Variants in TEKT5 observed in about 807,000 individuals in gnomAD.
TEKT5 encodes tektin-5.
A neutral mutation model predicts 48.7 loss-of-function variants in TEKT5; 52 were observed. The observed-to-expected ratio is 1.07, with a 90% CI of 0.86 to 1.35. The LOEUF (loss-of-function observed/expected upper bound fraction) is 1.35, where lower values mean the gene tolerates loss of function less well. Among genes scored for constraint, TEKT5 ranks in the 40% most tolerant of loss-of-function variants. The pLI is 0.00. For missense variants in TEKT5, 831 were observed against 641.6 expected, an observed-to-expected ratio of 1.30 and a Z score of -3.19; for synonymous variants, 318 against 267.6, an observed-to-expected ratio of 1.19 and a Z score of -1.84.
rs766804349 is a variant in TEKT5, at chr16:10,635,802, G to GC, written c.1202dup (p.Asn403GlnfsTer71). ...TGTCCCTGCACAGCTCCATGTTGGG[G>GC]CGCCGGGTCCGGCACTCCAGCCTTG... On this transcript the variant is annotated frameshift_variant, in exon 6 of 7. Coordinates refer to ENST00000283025, the MANE Select transcript of TEKT5 (RefSeq NM_144674.2). LOFTEE classifies it high-confidence loss of function. The GC allele has an allele frequency of 1.2e-6, 2 of 1,614,148 alleles. No homozygotes were observed. Among genetic ancestry groups the GC allele is most frequent in the Non-Finnish European group, 1.7e-6 (2 of 1,180,026 alleles).
intron 5 of TEKT5, among the ~76,000 whole-genome samples, chr16:10,672,598 A>C (rs986525438): frequency 1.3e-5 from 2 of 152,182 alleles, no homozygotes; most frequent in Non-Finnish European, 2.9e-5. Flanking sequence ...TGTCTCAAAA[A>C]AACCACCTCA....
rs534594801 is a variant in TEKT5 at position 10,627,865 on chromosome 16, C to G, written c.1242-66G>C. ...ATTTTTATTTGTTTATTTTTTGAGA[C>G]AGAGTCTCACTCTGTCACCCAGGCT... On this transcript the variant is annotated intron_variant, in intron 6 of 6. Transcript: ENST00000283025. 12 of 1,455,716 alleles carry G rather than the reference C, an allele frequency of 8.2e-6. No homozygotes were observed. In the African/African-American group the frequency reaches 1.5e-4, roughly 19 times the overall value. The allele number at this position is 1,455,716 out of a possible 1,614,324, so 90.2% of individuals were successfully genotyped here.
Position 10,674,542 on chromosome 16 carries a change from C to T in TEKT5, c.1086+1417G>A, listed in dbSNP as rs1009171662. ...CTCAGCTACTTGGGTCGCTTGAGCCCAGGAGTTCAAGGCTGCAGTGAGCCG... is the reference window on the plus strand; with the variant it reads ...CTCAGCTACTTGGGTCGCTTGAGCCTAGGAGTTCAAGGCTGCAGTGAGCCG... On this transcript the variant is annotated intron_variant, in intron 5 of 6. Coordinates refer to ENST00000283025, the MANE Select transcript of TEKT5 (RefSeq NM_144674.2). Among the ~76,000 whole-genome samples, 4 of 141,166 alleles carry T rather than the reference C, an allele frequency of 2.8e-5. No homozygotes were observed. The East Asian group carries it at 8.9e-4, about 32-fold the overall frequency. The allele number at this position is 141,166 out of a possible 152,430, so 92.6% of individuals were successfully genotyped here. A position where few individuals can be genotyped will look rare whatever the true frequency, so the allele number is the denominator to read the frequency against.
At chr16:10,661,903 C>T (rs748144428) in intron 5 of TEKT5, among the ~76,000 whole-genome samples, 1 of 152,094 alleles carries the variant, frequency 6.6e-6, no homozygotes, top group Non-Finnish European at 1.5e-5. Context: ...TTAGGTAACC[C>T]GTGTAATGTG....
In TEKT5 at chr16:10,694,793, T is replaced by G. The variant is rs1191828218; in HGVS notation, c.81A>C (p.Val27=). ...AGCATTCCTGGATCACTGGCGCCTG[T>G]ACAGCTGGCAGTGAGGTCAAGCCAC... The part of the protein sequence containing the change: ...KCCGLTSLPA[V]QAPVIQECYQ... Residue 27 remains valine (V), a synonymous_variant, in exon 1 of 7, where the codon GTA becomes GTC. Coordinates refer to ENST00000283025, the MANE Select transcript of TEKT5 (RefSeq NM_144674.2). 1.2e-6 allele frequency: 2 copies of G among 1,613,132 alleles called. No homozygotes were observed. Among genetic ancestry groups the G allele is most frequent in the South Asian group, 2.2e-5 (2 of 90,974 alleles).
chr16:10,671,757 G>A (rs1373159527), intron 5 of TEKT5: 1 of 152,226 alleles, frequency 6.6e-6, no homozygotes, highest in Non-Finnish European at 1.5e-5. Context: ...GAAGGCAGAG[G>A]AGGAGCAAAC....
chr16:10,637,625 C>T (rs1384524757), intron 5 of TEKT5, among the ~76,000 whole-genome samples: 3 of 152,356 alleles, frequency 2.0e-5, no homozygotes, highest in East Asian at 3.9e-4. Context: ...TGAGAATGTT[C>T]TACATCTTGA....
chr16:10,681,974 G>A lies in TEKT5; in HGVS notation c.863+19C>T, dbSNP rs1463323291. 6.2e-7 allele frequency: 1 copy of A among 1,612,268 alleles called. No homozygotes were observed. The highest frequency in any genetic ancestry group is 8.5e-7 in the Non-Finnish European group (1 of 1,178,688). ...CAGTTGGACACGCCAGGGATGGGGA[G>A]GGGGAGTCTGATACTTACGTGCCGT... On this transcript the variant is annotated intron_variant, in intron 4 of 6. Coordinates refer to ENST00000283025, the MANE Select transcript of TEKT5 (RefSeq NM_144674.2).
At chr16:10,690,455 T>C in intron 1 of TEKT5, 1 of 571,498 alleles carries the variant, frequency 1.7e-6, no homozygotes, top group Non-Finnish European at 2.2e-6. Flanking sequence ...ATTGTGTGCA[T>C]TTGGGCAAAC....
At chr16:10,690,048 C>A (rs369356358) in intron 1 of TEKT5, 23 bp from the exon 2 acceptor site, 1 of 1,611,094 alleles carries the variant, frequency 6.2e-7, no homozygotes, top group South Asian at 1.1e-5. Flanking sequence ...GCAGAAAGAA[C>A]GTATTCTTCC....
At chr16:10,640,403 G>A (rs2466116) in intron 5 of TEKT5, among the ~76,000 whole-genome samples, 3,429 of 152,230 alleles carry the variant, frequency 0.023, 135 homozygotes, top group African/African-American at 0.079. Flanking sequence ...CATGTGAGCC[G>A]CCATGACTGG....
intron 2 of TEKT5, among the ~76,000 whole-genome samples, 153 bp downstream of exon 2, chr16:10,689,789 C>G (rs1416471941): frequency 6.6e-6 from 1 of 152,056 alleles, no homozygotes; most frequent in Non-Finnish European, 1.5e-5. Flanking sequence ...TCCTAAATTG[C>G]AAACTAGACC....
intron 5 of TEKT5, among the ~76,000 whole-genome samples, chr16:10,667,505 C>T (rs943650444): frequency 1.3e-5 from 2 of 152,222 alleles, no homozygotes; most frequent in African/African-American, 4.8e-5. Context: ...CATCACTTTC[C>T]TTTTTCTGTC....
chr16:10,685,004 C>A (rs1898836036), intron 3 of TEKT5, among the ~76,000 whole-genome samples: 1 of 152,224 alleles, frequency 6.6e-6, no homozygotes, highest in South Asian at 2.1e-4. Context: ...CCAGACTCTG[C>A]CTGGCTAATG....
At chr16:10,660,693 GTGTGTGTGTGTTAT>G (rs1898353610) in intron 5 of TEKT5, among the ~76,000 whole-genome samples, 1 of 115,082 alleles carries the variant, frequency 8.7e-6, no homozygotes, top group Non-Finnish European at 2.0e-5. Flanking sequence ...GTGTGTGTGT[GTGTGTGTGTGTTAT>G]TTATTTATTT....
At chr16:10,679,885 G>A (rs55897783) in intron 4 of TEKT5, among the ~76,000 whole-genome samples, 31,945 of 150,680 alleles carry the variant, frequency 0.21, 4,221 homozygotes, top group East Asian at 0.55. Flanking sequence ...CAACAAGAGC[G>A]AAACTCGGTC....
At chr16:10,670,587 A>C (rs189674060) in intron 5 of TEKT5, among the ~76,000 whole-genome samples, 248 of 152,320 alleles carry the variant, frequency 1.6e-3, no homozygotes, top group Non-Finnish European at 3.2e-3. Context: ...TGGTTGCTAT[A>C]CATTTATCTT....
At chr16:10,652,018 C>T (rs569628482) in intron 5 of TEKT5, among the ~76,000 whole-genome samples, 36 of 132,372 alleles carry the variant, frequency 2.7e-4, no homozygotes, top group African/African-American at 1.0e-3. Flanking sequence ...TAAATCCCAG[C>T]TCGAGCACAT....
At chr16:10,668,012 G>C (rs1473177679) in intron 5 of TEKT5, among the ~76,000 whole-genome samples, 1 of 152,056 alleles carries the variant, frequency 6.6e-6, no homozygotes, top group African/African-American at 2.4e-5. Flanking sequence ...CAAGTAGCTG[G>C]AACTACAGGC....
Sources: gnomAD v4.1 joint callset for allele counts (sites outside exome capture counted in the v4.1 genomes callset) on GRCh38, gnomAD v4.1.1 for gene constraint, MANE v1.5 for transcripts, NCBI Gene and HGNC (gene_info 2026-07-23, HGNC 2026-07-21) for gene names.